ZNF195: variants seen among roughly 807,000 people sequenced by gnomAD.
The protein encoded by ZNF195 is zinc finger protein 195, also known as hypoxia-regulated factor-1.
ZNF195 carries 11 observed loss-of-function variants against 19.5 expected under a neutral mutation model. The ratio of observed to expected loss-of-function variants is 0.57; its 90% CI spans 0.36 to 0.94. ZNF195 has a LOEUF of 0.94. Among genes scored for constraint, ZNF195 ranks in the 40% least tolerant of loss-of-function variants. ZNF195 has a pLI of 0.01. For missense variants in ZNF195, 582 were observed against 709.0 expected, an observed-to-expected ratio of 0.82 and a Z score of 2.03; for synonymous variants, 214 against 248.1, an observed-to-expected ratio of 0.86 and a Z score of 1.29.
intron 1 of ZNF195, among the ~76,000 whole-genome samples, chr11:3,378,252 G>A (rs1419943254): frequency 6.6e-6 from 1 of 152,134 alleles, no homozygotes; most frequent in Non-Finnish European, 1.5e-5. Context: ...AGAGGTTGCA[G>A]TGAGCCGAGA....
intron 1 of ZNF195, 146 bp from the exon 2 acceptor site, chr11:3,371,849 G>C: frequency 1.0e-6 from 1 of 992,988 alleles, no homozygotes. Flanking sequence ...TCTGAGGAAA[G>C]AGAATTGCCT....
In ZNF195 at chr11:3,359,934, C is replaced by A; in HGVS notation, c.1074G>T (p.Glu358Asp). 6.2e-7 allele frequency: 1 copy of A among 1,614,210 alleles called. No homozygotes were observed. The highest frequency in any genetic ancestry group is 8.5e-7 in the Non-Finnish European group (1 of 1,180,048). Residue 358 changes from glutamate (E) to aspartate (D), a missense_variant, in exon 6 of 6, where the codon GAG becomes GAT. Coordinates refer to ENST00000399602, the MANE Select transcript of ZNF195 (RefSeq NM_001130520.3). The surrounding 1 kb of genome is among the most constrained non-coding windows in gnomAD (Gnocchi z 5.5). ...AGCAAGAGATAAAGACACTGCTGCA[C>A]TCTTCATATTTGCAGGGTTTTTCCT... is the stretch of plus-strand genomic sequence containing the variant. ...GTEEKPCKYEECSSVFISCSS... is the reference protein window; with the variant it reads ...GTEEKPCKYEDCSSVFISCSS...
rs374706991 is a variant in ZNF195, at chr11:3,371,203, C to A, written c.131-133G>T. The A allele has an allele frequency of 2.0e-4, 161 of 815,344 alleles. No homozygotes were observed. The African/African-American group carries it at 2.6e-3, about 13-fold the overall frequency. 50.5% of individuals were successfully genotyped at this position (815,344 alleles called of 1,614,324 possible). A position where few individuals can be genotyped will look rare whatever the true frequency, so the allele number is the denominator to read the frequency against. Reference sequence around the variant, plus strand: ...CCCAAAATTATGCTTCCTGACATCACCTTTAGAATATTCAGTAAGTATTTT... The same window carrying A: ...CCCAAAATTATGCTTCCTGACATCAACTTTAGAATATTCAGTAAGTATTTT... On this transcript the variant is annotated intron_variant, in intron 2 of 5. Coordinates refer to ENST00000399602, the MANE Select transcript of ZNF195 (RefSeq NM_001130520.3).
At chr11:3,369,557 TA>T in intron 3 of ZNF195, 4 of 435,036 alleles carry the variant, frequency 9.2e-6, no homozygotes, top group South Asian at 4.8e-5. Flanking sequence ...TACTCAGCCA[TA>T]AAAAAGGAAT....
At chr11:3,362,642 C>G in intron 3 of ZNF195, 1 of 536,314 alleles carries the variant, frequency 1.9e-6, no homozygotes, top group South Asian at 2.6e-5. Context: ...AGAGTCAAAG[C>G]TTATTATACA....
At chr11:3,370,447 A>T (rs1286896410) in intron 3 of ZNF195, among the ~76,000 whole-genome samples, 10 of 152,256 alleles carry the variant, frequency 6.6e-5, no homozygotes, top group African/African-American at 2.4e-4. Context: ...GCAGATGCCT[A>T]GTGTTCGGAG....
intron 1 of ZNF195, 60 bp downstream of exon 1, chr11:3,378,978 G>T: frequency 7.3e-7 from 1 of 1,367,014 alleles, no homozygotes; most frequent in Non-Finnish European, 9.6e-7. Context: ...TCCCGAGCCG[G>T]TACCGCGGGT....
At chr11:3,374,190 T>C (rs1849347211) in intron 1 of ZNF195, among the ~76,000 whole-genome samples, 1 of 152,254 alleles carries the variant, frequency 6.6e-6, no homozygotes, top group South Asian at 2.1e-4. Flanking sequence ...CAAGCTTCAA[T>C]GTGCATATGA....
chr11:3,365,897 T>C (rs1231400617), intron 3 of ZNF195, among the ~76,000 whole-genome samples: 2 of 152,280 alleles, frequency 1.3e-5, no homozygotes, highest in East Asian at 3.9e-4. Flanking sequence ...ACCAGATATC[T>C]ACATGGAAAA....
rs944517391 is a variant in ZNF195 at position 3,369,324 on chromosome 11, C to T, written c.226+1651G>A. On this transcript the variant is annotated intron_variant, in intron 3 of 5. Transcript: ENST00000399602. ...CATTATGAAAACCAGGGTGGGGGGGCGTTATTTAAAAGTTAGAAAAAGATA... is the reference window on the plus strand; with the variant it reads ...CATTATGAAAACCAGGGTGGGGGGGTGTTATTTAAAAGTTAGAAAAAGATA... 1.5e-4 allele frequency: 33 copies of T among 225,416 alleles called. 1 individual carries two copies. Among genetic ancestry groups the T allele is most frequent in the Admixed American group, 1.3e-3 (25 of 19,370 alleles). 14.0% of individuals were successfully genotyped at this position (225,416 alleles called of 1,614,324 possible).
intron 3 of ZNF195, among the ~76,000 whole-genome samples, chr11:3,365,522 A>G (rs571118895): frequency 1.2e-3 from 180 of 152,372 alleles, no homozygotes; most frequent in South Asian, 0.01. Context: ...ATTCTTGCTC[A>G]ATGGTCAGAT....
chr11:3,360,197 A>T lies in ZNF195; in HGVS notation c.811T>A (p.Phe271Ile), dbSNP rs1564912593. ...TTGCCACATTCTCCACATTTTTGGAATTTTTTTCCAGTGTGAATTTTCTGA... is the reference window on the plus strand; with the variant it reads ...TTGCCACATTCTCCACATTTTTGGATTTTTTTTCCAGTGTGAATTTTCTGA... Reference protein sequence around the residue: ...EHQKIHTGKKFQKCGECGKTF... With the variant: ...EHQKIHTGKKIQKCGECGKTF... Residue 271 changes from phenylalanine to isoleucine, a missense_variant, in exon 6 of 6, where the codon TTC (phenylalanine) becomes ATC (isoleucine). By Grantham distance (21) the Phe-to-Ile change is conservative (BLOSUM62 0). Around this residue, in one of 3 missense-constraint regions of ZNF195, gnomAD observed 407 missense variants for 530.5 expected, o/e 0.77. Transcript: ENST00000399602. 6.2e-7 allele frequency: 1 copy of T among 1,613,862 alleles called. No homozygotes were observed. Among genetic ancestry groups the T allele is most frequent in the Non-Finnish European group, 8.5e-7 (1 of 1,179,936 alleles).
In ZNF195 at chr11:3,360,160, TG is replaced by T; in HGVS notation, c.847del (p.Gln283SerfsTer92). On this transcript the variant is annotated frameshift_variant, in exon 6 of 6. Transcript: ENST00000399602. LOFTEE classifies it low-confidence loss of function (END_TRUNC). ...CTCAGGTTCAGTAAAGTGTGAGCAC[TG>T]GATAAAGGTTTTGCCACATTCTCCA... ...KCGECGKTFI[Q>X]CSHFTEPENI... 6.2e-7 allele frequency: 1 copy of T among 1,613,890 alleles called. No homozygotes were observed.
chr11:3,377,983 G>A, intron 1 of ZNF195: 1 of 943,808 alleles, frequency 1.1e-6, no homozygotes, highest in Non-Finnish European at 1.3e-6. Context: ...CTGTCACGTG[G>A]AATGATTACA....
chr11:3,371,591 T>C lies in ZNF195; in HGVS notation c.116A>G (p.Asn39Ser), dbSNP rs1849215378. ...YRDVMLENYR[N>S]LFSVGLTVCK... ...GTTATCCTCACCAACGGAGAACAAG[T>C]TTCTGTAGTTCTCCAACATCACATC... Residue 39 changes from asparagine (N) to serine (S), a missense_variant, in exon 2 of 6, where the codon AAC becomes AGC. By Grantham distance (46) the Asn-to-Ser change is conservative. Around this residue, in one of 3 missense-constraint regions of ZNF195, gnomAD observed 46 missense variants for 66.5 expected, o/e 0.69. Transcript: ENST00000399602. 3 of 1,613,956 alleles carry C rather than the reference T, an allele frequency of 1.9e-6. No individual in the cohort carries two copies. Among genetic ancestry groups the C allele is most frequent in the South Asian group, 1.1e-5 (1 of 91,092 alleles).
At chr11:3,376,469 T>C (rs1589821143) in intron 1 of ZNF195, among the ~76,000 whole-genome samples, 1 of 152,256 alleles carries the variant, frequency 6.6e-6, no homozygotes, top group South Asian at 2.1e-4. Flanking sequence ...AGGCCTTCGA[T>C]TGCTTTCTTT....
At chr11:3,362,786 C>G (rs1180676437) in intron 3 of ZNF195, 1 of 306,044 alleles carries the variant, frequency 3.3e-6, no homozygotes, top group Non-Finnish European at 6.0e-6. Context: ...AATCAAAAGG[C>G]ATATGCTAAA....
In ZNF195 at chr11:3,361,846, C is replaced by T. The variant is rs756836782; in HGVS notation, c.270G>A (p.Leu90=). 7.3e-5 allele frequency: 43 copies of T among 590,278 alleles called. No homozygotes were observed. The highest frequency in any genetic ancestry group is 5.9e-4 in the South Asian group (39 of 66,106). 36.6% of individuals were successfully genotyped at this position (590,278 alleles called of 1,614,324 possible). A position where few individuals can be genotyped will look rare whatever the true frequency, so the allele number is the denominator to read the frequency against. ...CTGAGGCAGGCAGATCGCTTGAGCCCAGGAGTTCAAGACAAGCCTGAGTAG... is the reference window on the plus strand; with the variant it reads ...CTGAGGCAGGCAGATCGCTTGAGCCTAGGAGTTCAAGACAAGCCTGAGTAG... The part of the protein sequence containing the change: ...HHATQACLEL[L]GSSDLPASAS... The change falls in exon 4 of 6, where the codon CTG becomes CTA. Residue 90 remains leucine, a synonymous_variant. Transcript: ENST00000399602.
intron 1 of ZNF195, chr11:3,377,596 C>T: frequency 8.6e-7 from 1 of 1,156,940 alleles, no homozygotes. Flanking sequence ...TGAAGACAAT[C>T]TTAATGTCCT....
Sources: allele counts gnomAD v4.1 joint callset (sites outside exome capture counted in the v4.1 genomes callset), GRCh38; gene constraint gnomAD v4.1.1; regional missense constraint gnomAD v4.1.1; non-coding constraint Gnocchi (gnomAD v3.1); transcripts MANE v1.5; gene names NCBI Gene and HGNC (gene_info 2026-07-23, HGNC 2026-07-21).